The following MYO7A variants were observed in gnomAD, a reference collection of about 807,000 sequenced individuals.
MYO7A encodes the protein myosin VIIA.
A neutral mutation model predicts 263.8 loss-of-function variants in MYO7A; 210 were observed. That is an observed-to-expected ratio of 0.80 (90% CI 0.71 to 0.89). The LOEUF is 0.89. MYO7A is among the 40% of genes least tolerant of loss of function. MYO7A has a pLI of 0.00. For missense variants in MYO7A, 2,820 were observed against 2,968.3 expected (o/e 0.95, Z 1.16); for synonymous variants, 1,239 against 1,197.3 (o/e 1.03, Z -0.72).
At chr11:77,176,989 A>G (rs1954700690) in intron 18 of MYO7A, among the ~76,000 whole-genome samples, 1 of 152,178 alleles carries the variant, frequency 6.6e-6, no homozygotes, top group South Asian at 2.1e-4. Context: ...ACCCTGGATC[A>G]TGGGTGGCCT....
intron 20 of MYO7A, among the ~76,000 whole-genome samples, 189 bp from the exon 21 acceptor site, chr11:77,179,545 TA>T (rs1555082417): frequency 6.6e-6 from 1 of 152,154 alleles, no homozygotes. Flanking sequence ...CAAGGTCACC[TA>T]AAAATATGTT....
At position 77,192,047 on chromosome 11, in the gene MYO7A, A is replaced by G. The variant is rs777807616; in HGVS notation, c.3925-4A>G. 6.8e-6 allele frequency: 11 copies of G among 1,611,674 alleles called. No homozygotes were observed. The South Asian group carries it at 1.1e-4, about 16-fold the overall frequency. ...GCCTGCTCCCCTCCCCTCTGTGCCCACAGGTGTCCTCCCTGGGCAGCGGCA... is the reference window on the plus strand; with the variant it reads ...GCCTGCTCCCCTCCCCTCTGTGCCCGCAGGTGTCCTCCCTGGGCAGCGGCA... On this transcript the variant is annotated splice_region_variant and splice_polypyrimidine_tract_variant and intron_variant, in intron 30 of 48. Coordinates refer to ENST00000409709, the MANE Select transcript of MYO7A (RefSeq NM_000260.4).
chr11:77,190,322 A>G (rs1008512944), intron 29 of MYO7A, among the ~76,000 whole-genome samples, 183 bp downstream of exon 29: 1 of 152,142 alleles, frequency 6.6e-6, no homozygotes, highest in Non-Finnish European at 1.5e-5. Context: ...AAAGCCCCCA[A>G]AGGATGAGGG....
At chr11:77,184,229 G>A (rs1555086846) in intron 26 of MYO7A, among the ~76,000 whole-genome samples, 2 of 152,056 alleles carry the variant, frequency 1.3e-5, no homozygotes, top group African/African-American at 2.4e-5. Context: ...TTATGTTGGC[G>A]GGGGCACCCC....
intron 35 of MYO7A, among the ~76,000 whole-genome samples, chr11:77,200,063 G>T (rs1591461854): frequency 6.6e-6 from 1 of 152,170 alleles, no homozygotes; most frequent in Non-Finnish European, 1.5e-5. Context: ...GAGGCCAGGA[G>T]TTCAAGACCA....
At chr11:77,148,089 G>C (rs1231299007) in intron 4 of MYO7A, 139 bp downstream of exon 4, 1 of 808,224 alleles carries the variant, frequency 1.2e-6, no homozygotes, top group Non-Finnish European at 1.8e-6. Context: ...TGTGCAGCTG[G>C]ACCCCGGGGC....
intron 16 of MYO7A, among the ~76,000 whole-genome samples, chr11:77,173,688 G>T (rs1954352512): frequency 6.6e-6 from 1 of 152,168 alleles, no homozygotes; most frequent in Non-Finnish European, 1.5e-5. Context: ...GGGAAGGAAG[G>T]CCGGGGAAAG....
rs782433559 is a variant in MYO7A at position 77,180,355 on chromosome 11, G to T, written c.2587-19G>T. On this transcript the variant is annotated intron_variant, in intron 21 of 48. Transcript: ENST00000409709. ...AGCTACACACATTTCCATGCCCTCTGGATGCCCCCTTCCCTCAGTATCTGT... is the reference window on the plus strand; with the variant it reads ...AGCTACACACATTTCCATGCCCTCTTGATGCCCCCTTCCCTCAGTATCTGT... 3.1e-5 allele frequency: 49 copies of T among 1,606,422 alleles called. No homozygotes were observed. Among genetic ancestry groups the T allele is most frequent in the Middle Eastern group, 3.3e-4 (2 of 6,054 alleles).
chr11:77,150,979 C>T (rs892538284), intron 4 of MYO7A, among the ~76,000 whole-genome samples: 1 of 152,168 alleles, frequency 6.6e-6, no homozygotes, highest in South Asian at 2.1e-4. Context: ...ACAACACGTG[C>T]GCTCAGGATT....
At chr11:77,140,159 C>T (rs1349447105) in intron 2 of MYO7A, among the ~76,000 whole-genome samples, 3 of 152,170 alleles carry the variant, frequency 2.0e-5, no homozygotes, top group African/African-American at 4.8e-5. Flanking sequence ...TATCTTCTCC[C>T]AGGGGAAACA....
chr11:77,175,084 T>C (rs1338234427), intron 17 of MYO7A, among the ~76,000 whole-genome samples, 170 bp downstream of exon 17: 1 of 152,148 alleles, frequency 6.6e-6, no homozygotes, highest in Non-Finnish European at 1.5e-5. Flanking sequence ...TGGGCTTCAG[T>C]TGCCATGTTC....
At chr11:77,209,624 T>C (rs1373257517) in intron 44 of MYO7A, among the ~76,000 whole-genome samples, 1 of 150,544 alleles carries the variant, frequency 6.6e-6, no homozygotes, top group Non-Finnish European at 1.5e-5. Context: ...CTGTCCCACG[T>C]CCCAAATCAC....
At position 77,138,123 on chromosome 11, in the gene MYO7A, G is replaced by A. The variant is rs1163163433; in HGVS notation, c.19-4586G>A. 6.6e-6 allele frequency among the ~76,000 whole-genome samples: 1 copy of A among 152,104 alleles called. No homozygotes were observed. Among genetic ancestry groups the A allele is most frequent in the Non-Finnish European group, 1.5e-5 (1 of 68,006 alleles). ...GGCAAAGTGGGGCTGTGGGGGGTTCGGCCGAGACGGAGGGGGCCGGGGTGG... is the reference window on the plus strand; with the variant it reads ...GGCAAAGTGGGGCTGTGGGGGGTTCAGCCGAGACGGAGGGGGCCGGGGTGG... On this transcript the variant is annotated intron_variant, in intron 2 of 48. Transcript: ENST00000409709. The surrounding 1 kb of genome is among the most constrained non-coding windows in gnomAD (Gnocchi z 4.9).
intron 15 of MYO7A, 26 bp from the exon 16 acceptor site, chr11:77,172,722 C>G: frequency 6.5e-7 from 1 of 1,548,304 alleles, no homozygotes; most frequent in Non-Finnish European, 8.7e-7. Context: ...CACAGCCCCT[C>G]CCATCGCTGC....
intron 29 of MYO7A, 56 bp from the exon 30 acceptor site, chr11:77,190,641 G>A: frequency 3.9e-6 from 6 of 1,530,722 alleles, no homozygotes; most frequent in Non-Finnish European, 5.3e-6. Context: ...AAAGTCCAGA[G>A]GGGCAGGCAG....
chr11:77,177,577 A>T lies in MYO7A; in HGVS notation c.2216A>T (p.Glu739Val). 6.2e-7 allele frequency: 1 copy of T among 1,612,002 alleles called. No individual in the cohort carries two copies. Among genetic ancestry groups the T allele is most frequent in the Non-Finnish European group, 8.5e-7 (1 of 1,179,372 alleles). ...KDHHDMLLEV[E>V]RDKAITDRVI... ...CACCATGACATGCTGCTGGAAGTGG[A>T]GCGGGACAAAGCCATCACCGACAGA... The change falls in exon 19 of 49, where the codon GAG (glutamate) becomes GTG (valine). Residue 739 changes from glutamate (E) to valine (V), a missense_variant. By Grantham distance (121) the Glu-to-Val change is moderately radical. Transcript: ENST00000409709.
intron 48 of MYO7A, among the ~76,000 whole-genome samples, 165 bp downstream of exon 48, chr11:77,214,144 C>G (rs1012289694): frequency 2.6e-5 from 4 of 152,194 alleles, no homozygotes; most frequent in African/African-American, 9.7e-5. Flanking sequence ...CAGCTTAGGT[C>G]TGGGGAAGGG....
intron 18 of MYO7A, among the ~76,000 whole-genome samples, chr11:77,176,303 A>T (rs145130403): frequency 1.4e-4 from 22 of 152,300 alleles, no homozygotes; most frequent in African/African-American, 4.8e-4. Context: ...CATCAGCAAG[A>T]TGTGATGAAT....
At chr11:77,160,891 G>A (rs1952929262) in intron 11 of MYO7A, 82 bp from the exon 12 acceptor site, 18 of 1,499,160 alleles carry the variant, frequency 1.2e-5, no homozygotes, top group East Asian at 2.5e-5. Flanking sequence ...GGGCTGGAGC[G>A]ACACCACGAA....
Sources: gnomAD v4.1 joint callset for allele counts (sites outside exome capture counted in the v4.1 genomes callset) on GRCh38, gnomAD v4.1.1 for gene constraint, Gnocchi (gnomAD v3.1) non-coding constraint, MANE v1.5 for transcripts, NCBI Gene and HGNC (gene_info 2026-07-23, HGNC 2026-07-21) for gene names.